Variants in ABI3BP observed in about 807,000 individuals in gnomAD.
The protein encoded by ABI3BP is target of Nesh-SH3.
Under a neutral mutation model 268.6 loss-of-function variants are expected in ABI3BP, and 216 were observed. The observed-to-expected ratio is 0.80, with a 90% confidence interval of 0.72 to 0.90. The LOEUF is 0.90. ABI3BP is among the 40% of genes least tolerant of loss of function. The pLI is 0.00. For missense variants in ABI3BP, 2,090 were observed against 2,182.4 expected (o/e 0.96, Z 0.84); for synonymous variants, 730 against 730.0 (o/e 1.00, Z 0.00).
chr3:100,824,890 G>A lies in ABI3BP; in HGVS notation c.2714C>T (p.Thr905Ile). The change falls in exon 36 of 68, where the codon ACA becomes ATA. Residue 905 changes from threonine to isoleucine, a missense_variant. By Grantham distance (89) the Thr-to-Ile change is moderately conservative (BLOSUM62 -1). Coordinates refer to ENST00000471714, the MANE Select transcript of ABI3BP (RefSeq NM_001375547.2). ...TRPPRPRPKT[T>I]PSPQAPETKP... is the part of the protein sequence containing the mutation. ...GGTCTCAGGTGCCTGAGGGCTCGGT[G>A]TAGTTTTAGGTCTGGGACGTGGAGG... is the stretch of plus-strand genomic sequence containing the variant. 1 of 1,536,156 alleles carries A rather than the reference G, an allele frequency of 6.5e-7. No homozygotes were observed. The highest frequency in any genetic ancestry group is 1.2e-5 in the South Asian group (1 of 84,022).
At position 100,812,476 on chromosome 3, in the gene ABI3BP, C is replaced by A; in HGVS notation, c.3412G>T (p.Glu1138Ter). Residue 1138 changes from glutamate (E) to a stop codon, truncating the protein, a stop_gained, in exon 46 of 68, where the codon GAG becomes TAG. Coordinates refer to ENST00000471714, the MANE Select transcript of ABI3BP (RefSeq NM_001375547.2). LOFTEE classifies it high-confidence loss of function. ...TGGGGAACATTTTTACCTATGGTCT[C>A]CTTTGGTGACTCAGTACTAAGTGTA... ...SVTLSTESPK[E>*]TIAPAKTDYV... 7.6e-7 allele frequency: 1 copy of A among 1,319,308 alleles called. No homozygotes were observed. Among genetic ancestry groups the A allele is most frequent in the Non-Finnish European group, 9.7e-7 (1 of 1,035,652 alleles). The allele number at this position is 1,319,308 out of a possible 1,614,324, so 81.7% of individuals were successfully genotyped here.
chr3:100,965,836 C>A (rs2081081607), intron 1 of ABI3BP, among the ~76,000 whole-genome samples: 1 of 152,086 alleles, frequency 6.6e-6, no homozygotes, highest in Admixed American at 6.6e-5. Flanking sequence ...AAATCCTTGT[C>A]CTCAGCCTGC....
chr3:100,964,138 G>T (rs1407898951), intron 1 of ABI3BP, among the ~76,000 whole-genome samples: 1 of 152,126 alleles, frequency 6.6e-6, no homozygotes, highest in Admixed American at 6.5e-5. Flanking sequence ...CTGCAAGGTG[G>T]GATCTTGCAA....
intron 40 of ABI3BP, 62 bp from the exon 41 acceptor site, chr3:100,818,643 T>C: frequency 7.8e-7 from 1 of 1,288,516 alleles, no homozygotes; most frequent in Non-Finnish European, 1.1e-6. Flanking sequence ...TCCATTATAA[T>C]ACTGCTTCAA....
rs766410780 is a variant in ABI3BP, at chr3:100,885,522, A to G, written c.696+14T>C. ...ATTTTTTAAAAACATTCTTGAAAAT[A>G]AACTGTTACATACCACTGTGTGGTC... On this transcript the variant is annotated intron_variant, in intron 6 of 67. Coordinates refer to ENST00000471714, the MANE Select transcript of ABI3BP (RefSeq NM_001375547.2). 25 of 1,462,942 alleles carry G rather than the reference A, an allele frequency of 1.7e-5. No individual in the cohort carries two copies. The highest frequency in any genetic ancestry group is 2.9e-5 in the South Asian group (2 of 69,624). The allele number at this position is 1,462,942 out of a possible 1,614,324, so 90.6% of individuals were successfully genotyped here. A position where few individuals can be genotyped will look rare whatever the true frequency, so the allele number is the denominator to read the frequency against.
In ABI3BP at chr3:100,754,692, C is replaced by G; in HGVS notation, c.4851-1G>C. On this transcript the variant is annotated splice_acceptor_variant, in intron 63 of 67. Coordinates refer to ENST00000471714, the MANE Select transcript of ABI3BP (RefSeq NM_001375547.2). LOFTEE classifies it high-confidence loss of function. ...TTTGGGTTTCACCTGGAATTCATAACTGTTTAGGGGAAAATAAAAAAATAC... is the reference window on the plus strand; with the variant it reads ...TTTGGGTTTCACCTGGAATTCATAAGTGTTTAGGGGAAAATAAAAAAATAC... 6.3e-7 allele frequency: 1 copy of G among 1,577,104 alleles called. No homozygotes were observed. Among genetic ancestry groups the G allele is most frequent in the Non-Finnish European group, 8.6e-7 (1 of 1,159,728 alleles).
In ABI3BP at chr3:100,817,430, C is replaced by A; in HGVS notation, c.3148+6G>T. 1 of 1,503,368 alleles carries A rather than the reference C, an allele frequency of 6.7e-7. No individual in the cohort carries two copies. The highest frequency in any genetic ancestry group is 1.3e-5 in the South Asian group (1 of 79,276). 93.1% of individuals were successfully genotyped at this position (1,503,368 alleles called of 1,614,324 possible). The stretch of plus-strand genomic sequence containing the variant: ...AAAGTTATTCAGGAACACAGAATAT[C>A]ATTACCTAACGTTGTTTCTGGAAAC... On this transcript the variant is annotated splice_donor_region_variant and intron_variant, in intron 42 of 67. Transcript: ENST00000471714.
chr3:100,842,907 A>G (rs2098722671), intron 20 of ABI3BP, among the ~76,000 whole-genome samples: 1 of 152,206 alleles, frequency 6.6e-6, no homozygotes, highest in African/African-American at 2.4e-5. Flanking sequence ...TAAAGAAAGA[A>G]ACTAATCAAT....
intron 1 of ABI3BP, among the ~76,000 whole-genome samples, chr3:100,939,584 G>C (rs1000782037): frequency 1.3e-5 from 2 of 152,122 alleles, no homozygotes; most frequent in South Asian, 4.1e-4. Flanking sequence ...GGGAGTGTGC[G>C]AATAGGTGTG....
At chr3:100,859,987 G>C (rs780143901) in intron 14 of ABI3BP, among the ~76,000 whole-genome samples, 1 of 152,166 alleles carries the variant, frequency 6.6e-6, no homozygotes, top group East Asian at 1.9e-4. Flanking sequence ...CAGGAGAATC[G>C]CTTGAACCCA....
intron 1 of ABI3BP, among the ~76,000 whole-genome samples, chr3:100,989,568 C>G (rs992137593): frequency 6.6e-6 from 1 of 152,190 alleles, no homozygotes; most frequent in African/African-American, 2.4e-5. Context: ...AGAGTCACAC[C>G]CAAGATCCTC....
intron 4 of ABI3BP, among the ~76,000 whole-genome samples, chr3:100,889,521 C>T (rs1021060071): frequency 3.3e-5 from 5 of 152,086 alleles, no homozygotes; most frequent in South Asian, 2.1e-4. Context: ...TCTTGTCAAA[C>T]GTTAGTTGAC....
At chr3:100,889,962 A>T (rs1349524567) in intron 4 of ABI3BP, among the ~76,000 whole-genome samples, 1 of 152,078 alleles carries the variant, frequency 6.6e-6, no homozygotes, top group Non-Finnish European at 1.5e-5. Flanking sequence ...TATCTTTTAG[A>T]TCCTTTGTTT....
At chr3:100,899,106 T>G (rs1189245992) in intron 3 of ABI3BP, among the ~76,000 whole-genome samples, 1 of 152,254 alleles carries the variant, frequency 6.6e-6, no homozygotes, top group Non-Finnish European at 1.5e-5. Context: ...TCTATGCATG[T>G]GTGCATATGC....
chr3:100,906,525 T>A (rs757554431), intron 2 of ABI3BP, among the ~76,000 whole-genome samples: 1 of 152,226 alleles, frequency 6.6e-6, no homozygotes. Flanking sequence ...CCTGGAAATA[T>A]ATACATTGTA....
intron 27 of ABI3BP, among the ~76,000 whole-genome samples, chr3:100,836,637 A>C (rs534924848): frequency 2.0e-5 from 3 of 152,358 alleles, no homozygotes; most frequent in East Asian, 3.9e-4. Context: ...TTTGCATCGC[A>C]AGATGAATTT....
chr3:100,818,662 T>G, intron 40 of ABI3BP, 81 bp from the exon 41 acceptor site: 1 of 1,120,302 alleles, frequency 8.9e-7, no homozygotes. Context: ...AATCAGTATA[T>G]AGCAATTTTA....
intron 2 of ABI3BP, among the ~76,000 whole-genome samples, chr3:100,925,714 T>TA (rs572366547): frequency 1.1e-4 from 17 of 149,968 alleles, no homozygotes; most frequent in East Asian, 1.9e-4. Context: ...GTGCCAGGCT[T>TA]AAAAAAAAAA....
intron 37 of ABI3BP, 93 bp from the exon 38 acceptor site, chr3:100,822,765 T>C (rs2098267890): frequency 1.8e-6 from 2 of 1,099,808 alleles, no homozygotes; most frequent in Non-Finnish European, 2.6e-6. Flanking sequence ...TACTGCTTGA[T>C]AGATATTTGC....
Sources: gnomAD v4.1 joint callset for allele counts (sites outside exome capture counted in the v4.1 genomes callset) on GRCh38, gnomAD v4.1.1 for gene constraint, MANE v1.5 for transcripts, NCBI Gene and HGNC (gene_info 2026-07-23, HGNC 2026-07-21) for gene names.